PARP6: variants seen among roughly 807,000 people sequenced by gnomAD.
The protein encoded by PARP6 is protein mono-ADP-ribosyltransferase PARP6.
PARP6 carries 27 observed loss-of-function variants against 92.0 expected under a neutral mutation model. The ratio of observed to expected loss-of-function variants is 0.29; its 90% CI spans 0.22 to 0.40. The LOEUF is 0.40. Ranked by LOEUF, PARP6 falls within the 10% of genes least tolerant of loss-of-function variation. The probability of loss-of-function intolerance (pLI) is 1.00; values close to 1 mark genes in which losing one functional copy is unlikely to be tolerated. For missense variants in PARP6, 501 were observed against 784.5 expected, an observed-to-expected ratio of 0.64 and a Z score of 4.32; for synonymous variants, 272 against 281.2, an observed-to-expected ratio of 0.97 and a Z score of 0.33.
In PARP6 at chr15:72,241,840, C is replaced by T. The variant is rs2083091606; in HGVS notation, c.1790+61G>A. On this transcript the variant is annotated intron_variant, in intron 23 of 23. Coordinates refer to ENST00000569795, the MANE Select transcript of PARP6 (RefSeq NM_001323532.2). This position sits in a 1 kb window ranked among gnomAD's most constrained non-coding sequence, Gnocchi z 4.1. ...AGAAATAGACTTTTCCCAGTAGCCA[C>T]ACACCATCACACCCCCAACCTCACT... 3 of 1,211,824 alleles carry T rather than the reference C, an allele frequency of 2.5e-6. No homozygotes were observed. Among genetic ancestry groups the T allele is most frequent in the South Asian group, 2.4e-5 (2 of 82,906 alleles). 75.1% of individuals were successfully genotyped at this position (1,211,824 alleles called of 1,614,324 possible).
intron 8 of PARP6, among the ~76,000 whole-genome samples, chr15:72,262,292 C>A (rs961029384): frequency 2.6e-5 from 4 of 152,108 alleles, no homozygotes; most frequent in Non-Finnish European, 5.9e-5. Context: ...CATCTACAAC[C>A]AAAAACCTCT....
At chr15:72,269,100 C>T (rs2087004211) in intron 2 of PARP6, among the ~76,000 whole-genome samples, 1 of 152,220 alleles carries the variant, frequency 6.6e-6, no homozygotes, top group African/African-American at 2.4e-5. Flanking sequence ...GCACACATCG[C>T]AGCTGAAGCT....
chr15:72,264,301 T>C (rs1175089878), intron 8 of PARP6, among the ~76,000 whole-genome samples: 1 of 152,184 alleles, frequency 6.6e-6, no homozygotes, highest in African/African-American at 2.4e-5. Flanking sequence ...TTCAGGGTAG[T>C]AAAAATGCTA....
intron 20 of PARP6, among the ~76,000 whole-genome samples, chr15:72,246,373 C>T (rs943312495): frequency 2.6e-5 from 4 of 152,218 alleles, no homozygotes; most frequent in Non-Finnish European, 4.4e-5. Context: ...TGGTCTCGAA[C>T]TCCCAACCTC....
intron 20 of PARP6, chr15:72,244,620 A>T (rs1476605169): frequency 6.6e-6 from 1 of 152,272 alleles, no homozygotes; most frequent in African/African-American, 2.4e-5. Context: ...GTGAGAAAGA[A>T]AAAACAGAAA....
intron 8 of PARP6, 53 bp downstream of exon 8, chr15:72,264,502 C>T: frequency 3.0e-6 from 4 of 1,354,176 alleles, no homozygotes; most frequent in Non-Finnish European, 4.2e-6. Context: ...TATATTTCCA[C>T]CTCTCTCTCC....
At position 72,256,585 on chromosome 15, in the gene PARP6, C is replaced by T. The variant is rs376896755; in HGVS notation, c.1005G>A (p.Val335=). The T allele has an allele frequency of 4.5e-6, 7 of 1,556,182 alleles. No homozygotes were observed. The African/African-American group carries it at 5.6e-5, about 12-fold the overall frequency. Reference sequence around the variant, plus strand: ...CCCTACACATGGCCACCAGCAGATCCACCACCTTAGGGGAAAGGAAAAAAA... The same window carrying T: ...CCCTACACATGGCCACCAGCAGATCTACCACCTTAGGGGAAAGGAAAAAAA... The part of the protein sequence containing the change: ...AEEVATGAEV[V]DLLVAMCRAA... Residue 335 remains valine, a synonymous_variant, in exon 14 of 24, where the codon GTG becomes GTA. Transcript: ENST00000569795.
intron 16 of PARP6, 101 bp downstream of exon 16, chr15:72,253,336 G>T: frequency 1.1e-6 from 1 of 896,220 alleles, no homozygotes; most frequent in East Asian, 2.5e-5. Context: ...TATAACCTTG[G>T]GAAGGATGTT....
intron 5 of PARP6, among the ~76,000 whole-genome samples, 196 bp downstream of exon 5, chr15:72,265,701 T>A (rs1359795410): frequency 1.3e-5 from 2 of 152,104 alleles, no homozygotes; most frequent in East Asian, 3.9e-4. Flanking sequence ...CCCAGAGGGG[T>A]CTAGGATAAG....
At chr15:72,246,470 C>T (rs1032021150) in intron 20 of PARP6, among the ~76,000 whole-genome samples, 1 of 152,080 alleles carries the variant, frequency 6.6e-6, no homozygotes, top group African/African-American at 2.4e-5. Context: ...TTTAATAAGA[C>T]AATGAATACC....
intron 6 of PARP6, 80 bp from the exon 7 acceptor site, chr15:72,265,251 T>C: frequency 1.9e-6 from 2 of 1,068,532 alleles, no homozygotes; most frequent in Non-Finnish European, 2.9e-6. Flanking sequence ...GACACACACA[T>C]GCACATGACA....
At chr15:72,265,271 AC>A (rs900805819) in intron 6 of PARP6, 100 bp from the exon 7 acceptor site, 26 of 1,037,024 alleles carry the variant, frequency 2.5e-5, no homozygotes, top group Non-Finnish European at 3.9e-5. Context: ...AGTACACACC[AC>A]TGTCTGCTGA....
rs1036064966 is a variant in PARP6 at position 72,242,959 on chromosome 15, A to G, written c.1562-260T>C. 8.9e-6 allele frequency: 4 copies of G among 451,432 alleles called. No homozygotes were observed. In the South Asian group the frequency reaches 1.6e-4, roughly 18 times the overall value. The allele number at this position is 451,432 out of a possible 1,614,324, so 28.0% of individuals were successfully genotyped here. On this transcript the variant is annotated intron_variant, in intron 20 of 23. Coordinates refer to ENST00000569795, the MANE Select transcript of PARP6 (RefSeq NM_001323532.2). The surrounding 1 kb of genome is among the most constrained non-coding windows in gnomAD (Gnocchi z 4.3). ...CAACTAGCCTAGCCTAAGAGTTTAA[A>G]GAAGTCATGTGGTGACAGCTAGACT...
At chr15:72,251,340 CT>C in intron 16 of PARP6, 85 bp from the exon 17 acceptor site, 6 of 792,316 alleles carry the variant, frequency 7.6e-6, no homozygotes, top group Admixed American at 7.3e-5. Context: ...CTTCCTCTGC[CT>C]TTGGGAGAAT....
At position 72,267,673 on chromosome 15, in the gene PARP6, T is replaced by C; in HGVS notation, c.-194-2A>G. The C allele has an allele frequency of 1.7e-6, 1 of 597,286 alleles. No homozygotes were observed. Among genetic ancestry groups the C allele is most frequent in the African/African-American group, 1.8e-5 (1 of 54,120 alleles). The allele number at this position is 597,286 out of a possible 1,614,324, so 37.0% of individuals were successfully genotyped here. ...TTGCGGTGGTAACAAGTCACTGTCC[T>C]GTGGAAAGTAGATAATAATGGGTTT... is the stretch of plus-strand genomic sequence containing the variant. On this transcript the variant is annotated splice_acceptor_variant, in intron 2 of 23. Coordinates refer to ENST00000569795, the MANE Select transcript of PARP6 (RefSeq NM_001323532.2). LOFTEE classifies it low-confidence loss of function (5UTR_SPLICE).
chr15:72,257,242 C>T (rs1247757757), intron 13 of PARP6, 106 bp downstream of exon 13: 6 of 807,704 alleles, frequency 7.4e-6, no homozygotes, highest in Non-Finnish European at 1.1e-5. Flanking sequence ...CAGTGGTTAT[C>T]TTATATACAA....
intron 18 of PARP6, 149 bp downstream of exon 18, chr15:72,250,696 C>T (rs950326091): frequency 2.0e-5 from 12 of 591,514 alleles, no homozygotes; most frequent in Non-Finnish European, 3.3e-5. Context: ...ACCTTTTTGT[C>T]CTCTATAGCA....
intron 20 of PARP6, chr15:72,245,197 C>T (rs554143738): frequency 6.6e-6 from 1 of 152,372 alleles, no homozygotes; most frequent in East Asian, 1.9e-4. Context: ...CCCACTTCTA[C>T]TAAAAATACA....
intron 19 of PARP6, 59 bp downstream of exon 19, chr15:72,249,961 A>T: frequency 8.5e-7 from 1 of 1,172,698 alleles, no homozygotes; most frequent in Non-Finnish European, 1.3e-6. Flanking sequence ...GCAGCCTTCC[A>T]CAAAACTGAG....
Sources: gnomAD v4.1 joint callset for allele counts (sites outside exome capture counted in the v4.1 genomes callset) on GRCh38, gnomAD v4.1.1 for gene constraint, Gnocchi (gnomAD v3.1) non-coding constraint, MANE v1.5 for transcripts, NCBI Gene and HGNC (gene_info 2026-07-23, HGNC 2026-07-21) for gene names.